PUM1: variants seen among roughly 807,000 people sequenced by gnomAD.
The protein encoded by PUM1 is pumilio homolog 1.
In PUM1, 13 loss-of-function variants were observed where a neutral mutation model predicts 131.8. The ratio of observed to expected loss-of-function variants is 0.10; its 90% confidence interval spans 0.06 to 0.16. PUM1 has a LOEUF of 0.16. PUM1 is among the 10% of genes least tolerant of loss of function. The pLI is 1.00. For synonymous variants in PUM1, 509 were observed against 556.5 expected, an observed-to-expected ratio of 0.91 and a Z score of 1.20; for missense variants, 961 against 1,512.4, an observed-to-expected ratio of 0.64 and a Z score of 6.05.
chr1:30,976,108 T>TA (rs1641128671), intron 9 of PUM1, among the ~76,000 whole-genome samples: 1 of 146,358 alleles, frequency 6.8e-6, no homozygotes, highest in South Asian at 2.2e-4. Flanking sequence ...AAAAAAAAAT[T>TA]AAGCATTCTG....
At chr1:31,043,022 A>G (rs966447405) in intron 2 of PUM1, among the ~76,000 whole-genome samples, 3 of 152,096 alleles carry the variant, frequency 2.0e-5, no homozygotes, top group African/African-American at 7.2e-5. Context: ...GCCTAGCCAG[A>G]AACAATTATC....
In PUM1 at chr1:30,966,085, G is replaced by A. The variant is rs1557558696; in HGVS notation, c.1983C>T (p.Phe661=). The part of the protein sequence containing the change: ...LNSNSQSSSL[F]SQGSAQPANT... ...TGGCAGGCTGGGCAGAGCCCTGGGA[G>A]AAGAGGGAGCTGCTCTGTGAATTGC... is the stretch of plus-strand genomic sequence containing the variant. Residue 661 remains phenylalanine, a synonymous_variant, in exon 13 of 22, where the codon TTC becomes TTT. Coordinates refer to ENST00000426105, the MANE Select transcript of PUM1 (RefSeq NM_001020658.2). 1 of 1,614,220 alleles carries A rather than the reference G, an allele frequency of 6.2e-7. No individual in the cohort carries two copies.
intron 3 of PUM1, among the ~76,000 whole-genome samples, chr1:31,019,969 T>G (rs749669792): frequency 6.6e-6 from 1 of 152,168 alleles, no homozygotes; most frequent in Non-Finnish European, 1.5e-5. Context: ...TATAATATAT[T>G]GTGTGATGCT....
At chr1:30,955,365 GC>G (rs1640116677) in intron 14 of PUM1, among the ~76,000 whole-genome samples, 1 of 150,596 alleles carries the variant, frequency 6.6e-6, no homozygotes, top group South Asian at 2.1e-4. Context: ...TACTTGGGAG[GC>G]TGAGGCAGGA....
At chr1:30,947,719 T>C (rs1472537698) in intron 17 of PUM1, among the ~76,000 whole-genome samples, 1 of 152,186 alleles carries the variant, frequency 6.6e-6, no homozygotes, top group African/African-American at 2.4e-5. Flanking sequence ...AAAATAGTGA[T>C]GTTAATGAAT....
At chr1:31,026,945 A>C (rs1570301885) in intron 3 of PUM1, among the ~76,000 whole-genome samples, 1 of 41,966 alleles carries the variant, frequency 2.4e-5, no homozygotes, top group Admixed American at 1.9e-4. Context: ...CATATACCAC[A>C]AAAAAAAAAA....
intron 10 of PUM1, among the ~76,000 whole-genome samples, chr1:30,972,184 G>A (rs1399761470): frequency 1.3e-5 from 2 of 148,258 alleles, no homozygotes; most frequent in Non-Finnish European, 3.0e-5. Context: ...GAACCTGGGA[G>A]GCGAAGGTTG....
chr1:31,030,066 A>C (rs1440460346), intron 2 of PUM1, among the ~76,000 whole-genome samples: 1 of 151,684 alleles, frequency 6.6e-6, no homozygotes, highest in Non-Finnish European at 1.5e-5. Flanking sequence ...AAAATACAAA[A>C]ATTAGCCGGG....
chr1:30,936,276 C>G (rs1639205733), intron 21 of PUM1, among the ~76,000 whole-genome samples: 1 of 151,984 alleles, frequency 6.6e-6, no homozygotes, highest in Non-Finnish European at 1.5e-5. Context: ...AGGCTATGCA[C>G]CATGCTGGGC....
At chr1:30,952,704 A>AGGGGGG (rs1639996608) in intron 15 of PUM1, among the ~76,000 whole-genome samples, 1 of 35,300 alleles carries the variant, frequency 2.8e-5, no homozygotes, top group African/African-American at 8.4e-5. Flanking sequence ...CGGGAGGGGC[A>AGGGGGG]GGGGTGCAGG....
intron 14 of PUM1, among the ~76,000 whole-genome samples, chr1:30,957,376 T>A (rs1212593850): frequency 6.6e-6 from 1 of 152,220 alleles, no homozygotes; most frequent in Non-Finnish European, 1.5e-5. Flanking sequence ...CTCATTTAGA[T>A]GGCGAATGCA....
chr1:30,945,530 T>A (rs773972901), intron 17 of PUM1, 47 bp from the exon 18 acceptor site: 28 of 1,603,120 alleles, frequency 1.7e-5, no homozygotes, highest in Non-Finnish European at 2.4e-5. Flanking sequence ...CAAGCAAACA[T>A]GTGGACAAAT....
intron 13 of PUM1, among the ~76,000 whole-genome samples, chr1:30,965,429 G>GT (rs1468351644): frequency 6.6e-6 from 1 of 152,048 alleles, no homozygotes; most frequent in Non-Finnish European, 1.5e-5. Flanking sequence ...ACTTTTGTTT[G>GT]TTTGTTTTTT....
intron 3 of PUM1, among the ~76,000 whole-genome samples, chr1:31,014,731 G>C (rs1372472236): frequency 3.3e-5 from 5 of 151,706 alleles, no homozygotes; most frequent in Non-Finnish European, 5.9e-5. Flanking sequence ...GGAGGTTACA[G>C]TGAGCCAAGA....
At chr1:30,971,442 A>G (rs1487576807) in intron 10 of PUM1, among the ~76,000 whole-genome samples, 1 of 152,244 alleles carries the variant, frequency 6.6e-6, no homozygotes, top group Non-Finnish European at 1.5e-5. Flanking sequence ...GGAATGACAG[A>G]AAACTGAAAA....
At chr1:30,938,027 C>T (rs1047891154) in intron 20 of PUM1, among the ~76,000 whole-genome samples, 1 of 152,326 alleles carries the variant, frequency 6.6e-6, no homozygotes, top group African/African-American at 2.4e-5. Context: ...CCGCCTCAGC[C>T]TCCCAAAGTG....
intron 20 of PUM1, among the ~76,000 whole-genome samples, chr1:30,940,547 C>G (rs1639403180): frequency 6.6e-6 from 1 of 152,120 alleles, no homozygotes; most frequent in South Asian, 2.1e-4. Context: ...TTCTAAAAAC[C>G]AGGGAAGAAT....
intron 12 of PUM1, 98 bp downstream of exon 12, chr1:30,967,069 G>A: frequency 6.9e-7 from 1 of 1,454,272 alleles, no homozygotes; most frequent in South Asian, 1.2e-5. Context: ...CCGATATACT[G>A]AGAATTGCCA....
At chr1:31,022,596 TCTC>T (rs1405648527) in intron 3 of PUM1, among the ~76,000 whole-genome samples, 1 of 152,142 alleles carries the variant, frequency 6.6e-6, no homozygotes, top group Non-Finnish European at 1.5e-5. Flanking sequence ...GAAAACACCT[TCTC>T]CTATCTCGTT....
Sources: allele counts gnomAD v4.1 joint callset (sites outside exome capture counted in the v4.1 genomes callset), GRCh38; gene constraint gnomAD v4.1.1; transcripts MANE v1.5; gene names NCBI Gene and HGNC (gene_info 2026-07-23, HGNC 2026-07-21).